Variants in TMEM232 observed in about 807,000 individuals in gnomAD.
The protein encoded by TMEM232 is transmembrane protein 232.
In TMEM232, 80 loss-of-function variants were observed where a neutral mutation model predicts 78.8. The ratio of observed to expected loss-of-function variants is 1.01; its 90% CI spans 0.85 to 1.22. The LOEUF is 1.22. Ranked by LOEUF, TMEM232 falls within the 50% of genes most tolerant of loss-of-function variation. The pLI is 0.00. For synonymous variants in TMEM232, 297 were observed against 254.3 expected (o/e 1.17, Z -1.60); for missense variants, 881 against 742.2 (o/e 1.19, Z -2.17).
At chr5:110,565,860 T>G (rs143726779) in intron 11 of TMEM232, among the ~76,000 whole-genome samples, 4,784 of 152,038 alleles carry the variant, frequency 0.031, 101 homozygotes, top group African/African-American at 0.055. Context: ...CTTGCAAATT[T>G]CTCTAAATCT....
chr5:110,670,238 G>A (rs1375689775), intron 1 of TMEM232, among the ~76,000 whole-genome samples: 2 of 152,248 alleles, frequency 1.3e-5, no homozygotes, highest in East Asian at 1.9e-4. Flanking sequence ...AAACCCCATT[G>A]TCTCAGCCCA....
intron 10 of TMEM232, among the ~76,000 whole-genome samples, chr5:110,602,474 GGCAAAGGA>G (rs1781036165): frequency 6.6e-6 from 1 of 151,894 alleles, no homozygotes; most frequent in East Asian, 1.9e-4. Context: ...TCAACAAGTG[GGCAAAGGA>G]TATGAACAGA....
intron 2 of TMEM232, among the ~76,000 whole-genome samples, chr5:110,734,705 C>T (rs1798993735): frequency 6.6e-6 from 1 of 151,896 alleles, no homozygotes; most frequent in African/African-American, 2.4e-5. Flanking sequence ...GTTAAATATG[C>T]TTTGCCTAAC....
intron 12 of TMEM232, among the ~76,000 whole-genome samples, chr5:110,487,516 G>T (rs184338): frequency 5.3e-5 from 8 of 151,792 alleles, no homozygotes; most frequent in African/African-American, 1.9e-4. Context: ...GTTTTCATTG[G>T]AAAGCGATAC....
chr5:110,705,708 G>GTATATATATA (rs60017669), intron 1 of TMEM232, among the ~76,000 whole-genome samples: 1 of 107,910 alleles, frequency 9.3e-6, no homozygotes, highest in Non-Finnish European at 1.9e-5. Context: ...ATATGTGTGT[G>GTATATATATA]TATATATATA....
At chr5:110,522,613 T>TA (rs1297297210) in intron 12 of TMEM232, among the ~76,000 whole-genome samples, 2 of 152,318 alleles carry the variant, frequency 1.3e-5, no homozygotes, top group Non-Finnish European at 2.9e-5. Context: ...TGACAGTTTT[T>TA]ATCATAAAAT....
intron 12 of TMEM232, among the ~76,000 whole-genome samples, chr5:110,470,869 T>C (rs530532923): frequency 7.2e-5 from 11 of 151,998 alleles, no homozygotes; most frequent in East Asian, 1.9e-4. Flanking sequence ...AGGAGCACAA[T>C]AGTAGTCCAG....
In TMEM232 at chr5:110,520,849, C is replaced by T. The variant is rs569302471; in HGVS notation, c.1703+7739G>A. On this transcript the variant is annotated intron_variant, in intron 12 of 13. Transcript: ENST00000455884. ...AGGAGAATCTCTTGAACCCAAGAGG[C>T]AGAGGTTGTGGTAAGCCAAGATCGC... Among the ~76,000 whole-genome samples, 8 of 152,232 alleles carry T rather than the reference C, an allele frequency of 5.3e-5. No individual in the cohort carries two copies. In the South Asian group the frequency reaches 1.7e-3, roughly 32 times the overall value.
chr5:110,677,782 A>G (rs1449731042), intron 1 of TMEM232, among the ~76,000 whole-genome samples: 1 of 152,160 alleles, frequency 6.6e-6, no homozygotes, highest in Non-Finnish European at 1.5e-5. Flanking sequence ...AAAATTTAAC[A>G]TTCTTAAATT....
intron 1 of TMEM232, among the ~76,000 whole-genome samples, chr5:110,719,769 G>A (rs1184516447): frequency 2.0e-5 from 3 of 152,106 alleles, no homozygotes; most frequent in Non-Finnish European, 2.9e-5. Context: ...GGATGACAGT[G>A]AATTTGGCAA....
chr5:110,611,091 T>C (rs1782217711), intron 8 of TMEM232, among the ~76,000 whole-genome samples: 1 of 152,140 alleles, frequency 6.6e-6, no homozygotes, highest in African/African-American at 2.4e-5. Context: ...TAAATGCAGA[T>C]ATATAAATAA....
chr5:110,575,699 C>G (rs1297667897), intron 10 of TMEM232, among the ~76,000 whole-genome samples: 1 of 151,972 alleles, frequency 6.6e-6, no homozygotes, highest in East Asian at 1.9e-4. Flanking sequence ...AACCAGGGAG[C>G]AACATGGAGC....
In TMEM232 at chr5:110,587,691, ATGTGTGTGTGTGTGTGTGTG is replaced by A. The variant is rs147127408; in HGVS notation, c.1276+17398_1276+17417del. 7.9e-5 allele frequency among the ~76,000 whole-genome samples: 5 copies of A among 63,126 alleles called. No homozygotes were observed. In the South Asian group the frequency reaches 1.8e-3, roughly 23 times the overall value. 41.4% of individuals were successfully genotyped at this position (63,126 alleles called of 152,430 possible). On this transcript the variant is annotated intron_variant, in intron 10 of 13. Coordinates refer to ENST00000455884, the MANE Select transcript of TMEM232 (RefSeq NM_001039763.4). ...TATATATATATATATATATATATAT[ATGTGTGTGTGTGTGTGTGTG>A]TGTGTGTGTGTGTGTGTGTGTGTGT...
intron 13 of TMEM232, among the ~76,000 whole-genome samples, chr5:110,421,159 A>G (rs73218942): frequency 0.029 from 4,416 of 152,010 alleles, 226 homozygotes; most frequent in African/African-American, 0.1. Flanking sequence ...AAAGGCAAAA[A>G]CTCTAATACT....
chr5:110,593,406 G>A (rs1227115593), intron 10 of TMEM232, among the ~76,000 whole-genome samples: 2 of 152,144 alleles, frequency 1.3e-5, no homozygotes, highest in African/African-American at 2.4e-5. Flanking sequence ...TTAACAATGA[G>A]TACATGAATT....
intron 1 of TMEM232, among the ~76,000 whole-genome samples, chr5:110,672,357 T>C (rs1470439187): frequency 2.6e-5 from 4 of 152,150 alleles, no homozygotes; most frequent in Non-Finnish European, 4.4e-5. Flanking sequence ...ACATCAAAAA[T>C]ACAAGTTTCT....
At chr5:110,620,682 T>C (rs944960502) in intron 7 of TMEM232, among the ~76,000 whole-genome samples, 4 of 142,696 alleles carry the variant, frequency 2.8e-5, no homozygotes, top group Non-Finnish European at 4.6e-5. Context: ...TCTCTCTCTC[T>C]CCCTCTCTCG....
chr5:110,713,406 T>C (rs1168309723), intron 1 of TMEM232, among the ~76,000 whole-genome samples: 2 of 152,098 alleles, frequency 1.3e-5, no homozygotes, highest in African/African-American at 4.8e-5. Context: ...AGGAGTATAA[T>C]TGGATTGTTT....
intron 1 of TMEM232, among the ~76,000 whole-genome samples, chr5:110,701,634 C>T (rs1224545217): frequency 6.6e-6 from 1 of 151,986 alleles, no homozygotes; most frequent in Non-Finnish European, 1.5e-5. Flanking sequence ...TACCAATAGA[C>T]CCTGTCAGTA....
Sources: gnomAD v4.1 joint callset for allele counts (sites outside exome capture counted in the v4.1 genomes callset) on GRCh38, gnomAD v4.1.1 for gene constraint, MANE v1.5 for transcripts, NCBI Gene and HGNC (gene_info 2026-07-23, HGNC 2026-07-21) for gene names.